Variants in RAI2 observed in about 807,000 individuals in gnomAD.
The protein encoded by RAI2 is retinoic acid induced 2, also known as retinoic acid-induced protein 2.
A neutral mutation model predicts 15.3 loss-of-function variants in RAI2; 5 were observed. That is an observed-to-expected ratio of 0.33 (90% CI 0.17 to 0.69). The LOEUF is 0.69. RAI2 is among the 30% of genes least tolerant of loss of function. RAI2 has a pLI of 0.69. For missense variants in RAI2, 424 were observed against 424.7 expected, an observed-to-expected ratio of 1.00 and a Z score of 0.01; for synonymous variants, 191 against 184.0, an observed-to-expected ratio of 1.04 and a Z score of -0.31.
intron 1 of RAI2, 47 bp from the exon 2 acceptor site, chrX:17,802,081 AT>A: frequency 8.8e-7 from 1 of 1,137,091 alleles, no homozygotes; most frequent in South Asian, 2.1e-5. Flanking sequence ...AAGACTATTT[AT>A]AATTGCCTTA....
intron 1 of RAI2, among the ~76,000 whole-genome samples, chrX:17,849,170 C>T (rs1268181612): frequency 8.9e-6 from 1 of 112,247 alleles, no homozygotes; most frequent in Admixed American, 9.4e-5. Context: ...AAAAGCAGAG[C>T]TGTGTTTTGT....
chrX:17,829,445 A>G (rs2067260315), intron 1 of RAI2, among the ~76,000 whole-genome samples: 1 of 110,686 alleles, frequency 9.0e-6, no homozygotes, highest in South Asian at 3.9e-4. Flanking sequence ...AACCTCATGC[A>G]TCTAATGGGG....
intron 1 of RAI2, among the ~76,000 whole-genome samples, chrX:17,835,745 A>G (rs763482525): frequency 8.9e-6 from 1 of 111,844 alleles, no homozygotes; most frequent in Non-Finnish European, 1.9e-5. Flanking sequence ...ATACCCCTCC[A>G]AGAAAAGATG....
rs73447837 is a variant in RAI2, at chrX:17,834,467, T to A, written c.-25+26631A>T. ...AGTAGTTTAAGCAAAAATGATTCGT[T>A]TTTTTTTTTAAAGAAGACAGCAAGC... On this transcript the variant is annotated intron_variant, in intron 1 of 1. Transcript: ENST00000451717. 7.8e-3 allele frequency among the ~76,000 whole-genome samples: 850 copies of A among 108,723 alleles called. 8 individuals are homozygous for A. The highest frequency in any genetic ancestry group is 0.026 in the African/African-American group (779 of 29,931). 94.4% of individuals were successfully genotyped at this position (108,723 alleles called of 115,157 possible).
chrX:17,815,875 C>A (rs924887638), intron 1 of RAI2, among the ~76,000 whole-genome samples: 1 of 111,178 alleles, frequency 9.0e-6, no homozygotes, highest in Non-Finnish European at 1.9e-5. Context: ...TCAACCGACA[C>A]AATCTTGATG....
chrX:17,813,692 C>T (rs149688105), intron 1 of RAI2, among the ~76,000 whole-genome samples: 289 of 111,473 alleles, frequency 2.6e-3, no homozygotes, highest in Middle Eastern at 4.6e-3. Flanking sequence ...ATTGCTCACC[C>T]AACATGAACC....
chrX:17,806,547 G>A (rs1019636111), intron 1 of RAI2, among the ~76,000 whole-genome samples: 3 of 110,250 alleles, frequency 2.7e-5, no homozygotes, highest in Admixed American at 9.7e-5. Context: ...CAGTTGCTAG[G>A]GCCTCACCCC....
At chrX:17,857,243 G>A (rs1293127866) in intron 1 of RAI2, among the ~76,000 whole-genome samples, 3 of 111,350 alleles carry the variant, frequency 2.7e-5, no homozygotes, top group Non-Finnish European at 5.7e-5. Flanking sequence ...ATTCTCTGAG[G>A]TCTCCCTCAT....
chrX:17,800,937 C>G lies in RAI2; in HGVS notation c.1074G>C (p.Glu358Asp). ...AAHRKSEPPP[E>D]TLYDSGASVD... is the part of the protein sequence containing the mutation. ...CTGATGCACCACTGTCATACAGTGTCTCAGGGGGAGGCTCGGATTTCCGGT... is the reference window on the plus strand; with the variant it reads ...CTGATGCACCACTGTCATACAGTGTGTCAGGGGGAGGCTCGGATTTCCGGT... Residue 358 changes from glutamate (E) to aspartate (D), a missense_variant, in exon 2 of 2, where the codon GAG (glutamate) becomes GAC (aspartate). By Grantham distance (45) the Glu-to-Asp change is conservative (BLOSUM62 2). Transcript: ENST00000451717. The G allele has an allele frequency of 3.3e-6, 4 of 1,210,966 alleles. No individual in the cohort carries two copies. The highest frequency in any genetic ancestry group is 4.5e-6 in the Non-Finnish European group (4 of 894,972).
At chrX:17,820,501 C>G (rs897452626) in intron 1 of RAI2, among the ~76,000 whole-genome samples, 14 of 111,669 alleles carry the variant, frequency 1.3e-4, no homozygotes, top group African/African-American at 4.2e-4. Context: ...AAGGCAAAGG[C>G]CTCCTATTTT....
intron 1 of RAI2, among the ~76,000 whole-genome samples, chrX:17,857,744 C>G (rs1052695188): frequency 8.9e-6 from 1 of 111,889 alleles, no homozygotes; most frequent in Non-Finnish European, 1.9e-5. Context: ...CTGCCATTCA[C>G]TCCATCAGTG....
intron 1 of RAI2, among the ~76,000 whole-genome samples, chrX:17,825,501 G>A (rs2067215502): frequency 8.9e-6 from 1 of 112,506 alleles, no homozygotes; most frequent in Non-Finnish European, 1.9e-5. Flanking sequence ...TTTATAAAGG[G>A]CCTAGATAGT....
At position 17,857,659 on chromosome X, in the gene RAI2, C is replaced by T. The variant is rs745615893; in HGVS notation, c.-25+3439G>A. Among the ~76,000 whole-genome samples the T allele has an allele frequency of 3.6e-5, 4 of 110,628 alleles. No homozygotes were observed. The South Asian group carries it at 1.6e-3, about 44-fold the overall frequency. ...AATATGACACCAGGAACTTCAGGCCCCCAACCAAACGTACAAATCTCTGGA... is the reference window on the plus strand; with the variant it reads ...AATATGACACCAGGAACTTCAGGCCTCCAACCAAACGTACAAATCTCTGGA... On this transcript the variant is annotated intron_variant, in intron 1 of 1. Transcript: ENST00000451717.
Position 17,822,393 on chromosome X carries a change from A to G in RAI2, c.-24-20359T>C, listed in dbSNP as rs184938360. 5.6e-4 allele frequency among the ~76,000 whole-genome samples: 63 copies of G among 111,613 alleles called. 1 individual carries two copies. The East Asian group carries it at 0.016, about 29-fold the overall frequency. On this transcript the variant is annotated intron_variant, in intron 1 of 1. Transcript: ENST00000451717. ...TAAGTCTGACCTGCATTCCCTATTAAACCTTCAGGGTAAATGGATTTCTCA... is the reference window on the plus strand; with the variant it reads ...TAAGTCTGACCTGCATTCCCTATTAGACCTTCAGGGTAAATGGATTTCTCA...
At chrX:17,822,474 T>C (rs766099706) in intron 1 of RAI2, among the ~76,000 whole-genome samples, 2 of 112,040 alleles carry the variant, frequency 1.8e-5, no homozygotes, top group Non-Finnish European at 3.8e-5. Context: ...TTTCAGCCCC[T>C]CCACTCTCTG....
rs866354748 is a variant in RAI2 at position 17,815,023 on chromosome X, T to C, written c.-24-12989A>G. ...GAGAGGGTGAAGAGTACTCATCTTT[T>C]AGACAGGGAAGCTTCTTTCTGGAAT... On this transcript the variant is annotated intron_variant, in intron 1 of 1. Coordinates refer to ENST00000451717, the MANE Select transcript of RAI2 (RefSeq NM_021785.6). Among the ~76,000 whole-genome samples, 5 of 110,541 alleles carry C rather than the reference T, an allele frequency of 4.5e-5. No homozygotes were observed. In the South Asian group the frequency reaches 2.1e-3, roughly 45 times the overall value.
intron 1 of RAI2, among the ~76,000 whole-genome samples, chrX:17,848,263 G>T (rs1239074508): frequency 9.9e-6 from 1 of 100,577 alleles, no homozygotes; most frequent in African/African-American, 3.8e-5. Context: ...AAAGACACAT[G>T]ATTTCTGCTC....
At chrX:17,821,795 T>C (rs973964394) in intron 1 of RAI2, among the ~76,000 whole-genome samples, 1 of 111,437 alleles carries the variant, frequency 9.0e-6, no homozygotes, top group Admixed American at 9.6e-5. Context: ...GGGTTACGGT[T>C]AGAATTCAAG....
chrX:17,840,886 G>A (rs1044211828), intron 1 of RAI2, among the ~76,000 whole-genome samples: 2 of 112,032 alleles, frequency 1.8e-5, no homozygotes, highest in Non-Finnish European at 3.8e-5. Flanking sequence ...AACTGCAAGA[G>A]AGACTGGGAA....
Sources: allele counts gnomAD v4.1 joint callset (sites outside exome capture counted in the v4.1 genomes callset), GRCh38; gene constraint gnomAD v4.1.1; transcripts MANE v1.5; gene names NCBI Gene and HGNC (gene_info 2026-07-23, HGNC 2026-07-21).